Variants in SLC23A2 observed in about 807,000 individuals in gnomAD.
The protein encoded by SLC23A2 is Na(+)/L-ascorbic acid transporter 2.
In SLC23A2, 36 loss-of-function variants were observed where a neutral mutation model predicts 73.3. The ratio of observed to expected loss-of-function variants is 0.49; its 90% CI spans 0.38 to 0.65. The LOEUF is 0.65. Ranked by LOEUF, SLC23A2 falls within the 30% of genes least tolerant of loss-of-function variation. The probability of loss-of-function intolerance (pLI) is 0.00; values close to 1 mark genes in which losing one functional copy is unlikely to be tolerated. For missense variants in SLC23A2, 507 were observed against 841.6 expected (o/e 0.60, Z 4.92); for synonymous variants, 343 against 327.3 (o/e 1.05, Z -0.52).
intron 4 of SLC23A2, among the ~76,000 whole-genome samples, chr20:4,911,630 A>T (rs1932153639): frequency 6.6e-6 from 1 of 152,148 alleles, no homozygotes; most frequent in Admixed American, 6.5e-5. Flanking sequence ...GTTTCTTATT[A>T]TGTCAGCTGA....
chr20:4,854,827 G>A lies in SLC23A2; in HGVS notation c.*2145C>T, dbSNP rs1317551640. ...CCCCTGGATCACCAATGGCTTTCAG[G>A]CTTTTATTTGGATATTTGGTCTTTC... On this transcript the variant is annotated 3_prime_UTR_variant, in exon 17 of 17. Transcript: ENST00000338244. 6.6e-6 allele frequency: 1 copy of A among 152,214 alleles called. No individual in the cohort carries two copies. Among genetic ancestry groups the A allele is most frequent in the Non-Finnish European group, 1.5e-5 (1 of 68,056 alleles). The allele number at this position is 152,214 out of a possible 1,614,324, so 9.4% of individuals were successfully genotyped here.
chr20:4,857,294 AC>A lies in SLC23A2; in HGVS notation c.1721-91del. On this transcript the variant is annotated intron_variant, in intron 16 of 16. Transcript: ENST00000338244. This position sits in a 1 kb window ranked among gnomAD's most constrained non-coding sequence, Gnocchi z 4.0. The stretch of plus-strand genomic sequence containing the variant: ...TGTCGTCAAACACATACACACACAC[AC>A]ACACACACACACACACACACACACA... 2.8e-6 allele frequency: 1 copy of A among 359,762 alleles called. No individual in the cohort carries two copies. 22.3% of individuals were successfully genotyped at this position (359,762 alleles called of 1,614,324 possible).
chr20:4,926,964 G>C (rs1396158354), intron 3 of SLC23A2, among the ~76,000 whole-genome samples: 1 of 151,894 alleles, frequency 6.6e-6, no homozygotes, highest in East Asian at 1.9e-4. Context: ...TTTGGTTACT[G>C]GTGCCCAACC....
At chr20:4,966,557 CTTTATA>C (rs1479441941) in intron 2 of SLC23A2, among the ~76,000 whole-genome samples, 1 of 152,168 alleles carries the variant, frequency 6.6e-6, no homozygotes, top group South Asian at 2.1e-4. Context: ...TCATTAATAA[CTTTATA>C]TTGATTGTGT....
chr20:4,942,757 G>T (rs966314140), intron 2 of SLC23A2, among the ~76,000 whole-genome samples: 1 of 152,206 alleles, frequency 6.6e-6, no homozygotes, highest in Non-Finnish European at 1.5e-5. Context: ...AGCTATTCGT[G>T]GAGTTAAATA....
At chr20:4,974,222 G>C (rs2087609044) in intron 1 of SLC23A2, among the ~76,000 whole-genome samples, 1 of 152,162 alleles carries the variant, frequency 6.6e-6, no homozygotes, top group Non-Finnish European at 1.5e-5. Context: ...TGTAATCCCA[G>C]CACTTTGGGA....
At chr20:4,991,720 T>TCTCA (rs1555809316) in intron 1 of SLC23A2, among the ~76,000 whole-genome samples, 20 of 139,426 alleles carry the variant, frequency 1.4e-4, no homozygotes, top group Admixed American at 1.2e-3. Context: ...AGACTCCGTT[T>TCTCA]CACACACACA....
Position 4,985,694 on chromosome 20 carries a change from C to T in SLC23A2, c.-281-14775G>A, listed in dbSNP as rs185969852. ...AACTCCTGAGCTCAGGTGATCCCCC[C>T]ACCTTGGCTTCCCAAAGTGCTGGGA... On this transcript the variant is annotated intron_variant, in intron 1 of 16. Coordinates refer to ENST00000338244, the MANE Select transcript of SLC23A2 (RefSeq NM_005116.6). Among the ~76,000 whole-genome samples the T allele has an allele frequency of 6.9e-4, 105 of 152,294 alleles. 1 individual carries two copies. The highest frequency in any genetic ancestry group is 1.8e-3 in the Admixed American group (27 of 15,290).
intron 9 of SLC23A2, among the ~76,000 whole-genome samples, chr20:4,879,130 G>A (rs116862703): frequency 0.027 from 4,103 of 152,270 alleles, 74 homozygotes; most frequent in Non-Finnish European, 0.039. Context: ...TATACAGCCA[G>A]GCACGGTGGC....
At chr20:4,959,310 T>G (rs1228774023) in intron 2 of SLC23A2, among the ~76,000 whole-genome samples, 1 of 152,040 alleles carries the variant, frequency 6.6e-6, no homozygotes, top group Non-Finnish European at 1.5e-5. Flanking sequence ...ACTGGAACTC[T>G]CATACTCTTG....
At chr20:4,949,893 C>T (rs1394351205) in intron 2 of SLC23A2, among the ~76,000 whole-genome samples, 3 of 152,204 alleles carry the variant, frequency 2.0e-5, no homozygotes, top group East Asian at 3.8e-4. Context: ...CTAATCAGTG[C>T]GTCACCCACC....
chr20:4,889,189 G>C (rs1931221645), intron 6 of SLC23A2, among the ~76,000 whole-genome samples: 1 of 152,180 alleles, frequency 6.6e-6, no homozygotes, highest in African/African-American at 2.4e-5. Flanking sequence ...TGCAGGTGCA[G>C]TCGCTTGAGC....
intron 8 of SLC23A2, among the ~76,000 whole-genome samples, 177 bp downstream of exon 8, chr20:4,884,576 A>G (rs1931023064): frequency 6.6e-6 from 1 of 152,198 alleles, no homozygotes; most frequent in South Asian, 2.1e-4. Flanking sequence ...GCATTTCCAT[A>G]TGCTTTATTT....
At chr20:4,924,146 C>T (rs574656351) in intron 3 of SLC23A2, among the ~76,000 whole-genome samples, 1 of 152,258 alleles carries the variant, frequency 6.6e-6, no homozygotes, top group South Asian at 2.1e-4. Flanking sequence ...GCTAGGCACA[C>T]CCATCAGGAC....
intron 2 of SLC23A2, among the ~76,000 whole-genome samples, chr20:4,944,665 CAG>C (rs1228660716): frequency 1.3e-5 from 2 of 152,316 alleles, no homozygotes; most frequent in East Asian, 1.9e-4. Context: ...CCAATCCAGA[CAG>C]GGGAAGAATA....
In SLC23A2 at chr20:4,874,600, C is replaced by A; in HGVS notation, c.921G>T (p.Lys307Asn). The change falls in exon 10 of 17, where the codon AAG becomes AAT. Residue 307 changes from lysine to asparagine, a missense_variant. Physicochemically the swap from Lys to Asn is moderately conservative, Grantham distance 94. Transcript: ENST00000338244. ...YKSKKGWTAY[K>N]LQLFKMFPII... ...CAGGGAACATTTTGAACAGCTGTAA[C>A]TTGTACGCAGTCCATCCTTTCTTGG... The A allele has an allele frequency of 6.2e-7, 1 of 1,611,454 alleles. No homozygotes were observed. Among genetic ancestry groups the A allele is most frequent in the Non-Finnish European group, 8.5e-7 (1 of 1,179,128 alleles).
intron 1 of SLC23A2, among the ~76,000 whole-genome samples, chr20:4,975,884 C>A (rs564102116): frequency 6.7e-6 from 1 of 149,128 alleles, no homozygotes; most frequent in South Asian, 2.1e-4. Context: ...GACAGAGTCT[C>A]GCTCTGTCGC....
At chr20:4,904,465 C>CA (rs11087661) in intron 4 of SLC23A2, among the ~76,000 whole-genome samples, 104,341 of 149,764 alleles carry the variant, frequency 0.7, 36,879 homozygotes, top group Non-Finnish European at 0.76. Flanking sequence ...AAAAAACAAA[C>CA]AAAAAAAAAA....
chr20:4,997,627 A>G (rs1045770432), intron 1 of SLC23A2, among the ~76,000 whole-genome samples: 6 of 152,012 alleles, frequency 3.9e-5, no homozygotes, highest in African/African-American at 1.4e-4. Flanking sequence ...CTGATCCAAT[A>G]GGAAAACTTT....
Sources: gnomAD v4.1 joint callset for allele counts (sites outside exome capture counted in the v4.1 genomes callset) on GRCh38, gnomAD v4.1.1 for gene constraint, Gnocchi (gnomAD v3.1) non-coding constraint, MANE v1.5 for transcripts, NCBI Gene and HGNC (gene_info 2026-07-23, HGNC 2026-07-21) for gene names.